CA6: variants seen among roughly 807,000 people sequenced by gnomAD.
CA6 encodes carbonic anhydrase 6.
CA6 carries 28 observed loss-of-function variants against 35.9 expected under a neutral mutation model. The observed-to-expected ratio is 0.78, with a 90% CI of 0.58 to 1.07. CA6 has a LOEUF of 1.07. Ranked by LOEUF, CA6 falls within the 50% of genes least tolerant of loss-of-function variation. The pLI is 0.00. For missense variants in CA6, 377 were observed against 382.0 expected (o/e 0.99, Z 0.11); for synonymous variants, 148 against 152.6 (o/e 0.97, Z 0.22).
intron 5 of CA6, among the ~76,000 whole-genome samples, chr1:8,966,204 A>G (rs897714399): frequency 6.6e-6 from 1 of 151,896 alleles, no homozygotes; most frequent in Non-Finnish European, 1.5e-5. Flanking sequence ...CCGCCTCCCA[A>G]GTTCAAGCGC....
In CA6 at chr1:8,949,324, G is replaced by A; in HGVS notation, c.141G>A (p.Gln47=). The A allele has an allele frequency of 6.2e-7, 1 of 1,613,476 alleles. No homozygotes were observed. Among genetic ancestry groups the A allele is most frequent in the Non-Finnish European group, 8.5e-7 (1 of 1,179,636 alleles). Residue 47 remains glutamine (Q), a synonymous_variant, in exon 2 of 8, where the codon CAG becomes CAA. Transcript: ENST00000377443. The part of the protein sequence containing the change: ...QHYPACGGQR[Q]SPINLQRTKV... ...ACCCCGCCTGTGGGGGCCAGAGACA[G>A]TCGCCTATCAACCTACAGAGGACGA...
chr1:8,965,574 A>G (rs1452000829), intron 5 of CA6, among the ~76,000 whole-genome samples: 2 of 152,196 alleles, frequency 1.3e-5, no homozygotes, highest in Admixed American at 1.3e-4. Flanking sequence ...GTAGCATGTT[A>G]TCAGAATTTC....
At chr1:8,969,949 C>T (rs796085447) in intron 6 of CA6, among the ~76,000 whole-genome samples, 6 of 152,202 alleles carry the variant, frequency 3.9e-5, no homozygotes, top group African/African-American at 1.4e-4. Flanking sequence ...GTGGTTCATA[C>T]CTGTAATTCC....
At chr1:8,946,045 T>TC (rs5772343) in intron 1 of CA6, 80 bp downstream of exon 1, 274,289 of 833,562 alleles carry the variant, frequency 0.33, 26,037 homozygotes, top group Middle Eastern at 0.39. Context: ...TCTTCTTCTT[T>TC]TTTTTTTTTT....
chr1:8,967,882 CA>C (rs1471532509), intron 6 of CA6, 66 bp downstream of exon 6: 1 of 1,495,112 alleles, frequency 6.7e-7, no homozygotes, highest in Non-Finnish European at 9.2e-7. Flanking sequence ...GGGTTCTCCC[CA>C]GCATCTCAAC....
chr1:8,970,054 A>G (rs774619950), intron 6 of CA6, among the ~76,000 whole-genome samples: 1 of 151,890 alleles, frequency 6.6e-6, no homozygotes, highest in Non-Finnish European at 1.5e-5. Context: ...AAATATAAAA[A>G]TTATCTGGGT....
At chr1:8,968,317 C>T (rs1157823874) in intron 6 of CA6, among the ~76,000 whole-genome samples, 1 of 152,054 alleles carries the variant, frequency 6.6e-6, no homozygotes, top group Non-Finnish European at 1.5e-5. Context: ...GAAAAGACCC[C>T]TGCTCAAGGA....
Position 8,967,828 on chromosome 1 carries a change from T to A in CA6, c.729+12T>A. The A allele has an allele frequency of 2.5e-6, 4 of 1,612,468 alleles. No homozygotes were observed. The highest frequency in any genetic ancestry group is 3.4e-6 in the Non-Finnish European group (4 of 1,179,180). ...TCTCCAGGACACAGGTAATGTATGG[T>A]ATCACTTTGCCGAAGTCTTCCCATT... On this transcript the variant is annotated intron_variant, in intron 6 of 7. Coordinates refer to ENST00000377443, the MANE Select transcript of CA6 (RefSeq NM_001215.4).
chr1:8,956,788 A>C (rs1485164211), intron 2 of CA6, among the ~76,000 whole-genome samples: 7 of 152,242 alleles, frequency 4.6e-5, no homozygotes, highest in Non-Finnish European at 1.0e-4. Flanking sequence ...CCCATTGGCC[A>C]TAATTTTTCA....
intron 6 of CA6, among the ~76,000 whole-genome samples, chr1:8,970,158 A>G (rs1490246955): frequency 2.7e-5 from 4 of 150,670 alleles, no homozygotes; most frequent in African/African-American, 9.8e-5. Context: ...GTGAGCCGCA[A>G]TCGCGTCACT....
At position 8,970,927 on chromosome 1, in the gene CA6, C is replaced by T. The variant is rs768880697; in HGVS notation, c.790C>T (p.Arg264Cys). The change falls in exon 7 of 8, where the codon CGC (arginine) becomes TGC (cysteine). Residue 264 changes from arginine to cysteine, a missense_variant. Physicochemically the swap from Arg to Cys is radical, Grantham distance 180 (BLOSUM62 -3). Transcript: ENST00000377443. ...HRNKTIHNDY[R>C]RTQPLNHRVV... ...CAACAAGACCATCCACAACGATTACCGCAGGACCCAGCCCCTGAACCACAG... is the reference window on the plus strand; with the variant it reads ...CAACAAGACCATCCACAACGATTACTGCAGGACCCAGCCCCTGAACCACAG... 9.3e-6 allele frequency: 15 copies of T among 1,614,090 alleles called. No homozygotes were observed. Among genetic ancestry groups the T allele is most frequent in the South Asian group, 4.4e-5 (4 of 91,084 alleles).
At position 8,957,911 on chromosome 1, in the gene CA6, T is replaced by C. The variant is rs112823734; in HGVS notation, c.408+626T>C. Among the ~76,000 whole-genome samples, 214 of 151,932 alleles carry C rather than the reference T, an allele frequency of 1.4e-3. 2 individuals carry two copies. Among genetic ancestry groups the C allele is most frequent in the African/African-American group, 4.9e-3 (204 of 41,426 alleles). On this transcript the variant is annotated intron_variant, in intron 3 of 7. Transcript: ENST00000377443. ...AGGCTGAGGCTGCAGTAAGTCCTGA[T>C]CATGCCGCTGCACTCCAGTCTGAGC...
Position 8,974,689 on chromosome 1 carries a change from A to G in CA6, c.912A>G (p.Arg304=), listed in dbSNP as rs540873466. The change falls in exon 8 of 8, where the codon AGA becomes AGG. Residue 304 remains arginine (R), a synonymous_variant. Transcript: ENST00000377443. ...HKIEEILDYL[R]RALN is the part of the protein sequence containing the mutation. ...TTGAGGAAATTCTTGACTACTTAAG[A>G]AGAGCATTGAACTGAGGAAAGCTAA... 3.0e-5 allele frequency: 48 copies of G among 1,601,108 alleles called. No individual in the cohort carries two copies. The African/African-American group carries it at 5.6e-4, about 19-fold the overall frequency.
At chr1:8,960,789 C>CACACAAACATATATATAT (rs59987426) in intron 4 of CA6, among the ~76,000 whole-genome samples, 2 of 116,980 alleles carry the variant, frequency 1.7e-5, no homozygotes, top group Admixed American at 9.0e-5. Context: ...CACACACACA[C>CACACAAACATATATATAT]ATATATATAA....
intron 7 of CA6, among the ~76,000 whole-genome samples, chr1:8,973,719 T>A (rs903725365): frequency 1.1e-4 from 1 of 9,520 alleles, no homozygotes; most frequent in Non-Finnish European, 1.9e-4. Context: ...TCTCTTTCTT[T>A]CTTTCTTTCT....
At chr1:8,957,384 C>T (rs540621389) in intron 3 of CA6, 99 bp downstream of exon 3, 84 of 1,205,872 alleles carry the variant, frequency 7.0e-5, no homozygotes, top group African/African-American at 3.7e-4. Context: ...TCTGTTGCCC[C>T]GGCTGGAGTG....
At chr1:8,965,009 G>A (rs1490003277) in intron 5 of CA6, among the ~76,000 whole-genome samples, 6 of 151,994 alleles carry the variant, frequency 3.9e-5, no homozygotes, top group Non-Finnish European at 5.9e-5. Context: ...TTTGGGAGGC[G>A]GAGGCGGGCT....
Position 8,963,164 on chromosome 1 carries a change from C to G in CA6, c.571+508C>G, listed in dbSNP as rs1020741892. Among the ~76,000 whole-genome samples, 1 of 152,186 alleles carries G rather than the reference C, an allele frequency of 6.6e-6. No individual in the cohort carries two copies. Among genetic ancestry groups the G allele is most frequent in the Non-Finnish European group, 1.5e-5 (1 of 68,032 alleles). ...GACTTTTGAGCTATAACCACAATAG[C>G]TCTGCATCCTCGACTTCACACGTCC... On this transcript the variant is annotated intron_variant, in intron 5 of 7. Transcript: ENST00000377443. The surrounding 1 kb of genome is among the most constrained non-coding windows in gnomAD (Gnocchi z 4.1).
At chr1:8,962,005 C>T (rs1281041787) in intron 4 of CA6, among the ~76,000 whole-genome samples, 1 of 152,034 alleles carries the variant, frequency 6.6e-6, no homozygotes. Flanking sequence ...TTTGGGAGGC[C>T]GAGGTGGGCC....
Sources: gnomAD v4.1 joint callset for allele counts (sites outside exome capture counted in the v4.1 genomes callset) on GRCh38, gnomAD v4.1.1 for gene constraint, Gnocchi (gnomAD v3.1) non-coding constraint, MANE v1.5 for transcripts, NCBI Gene and HGNC (gene_info 2026-07-23, HGNC 2026-07-21) for gene names.